Variants in DIP2B observed in about 807,000 individuals in gnomAD.
The protein encoded by DIP2B is disco-interacting protein 2 homolog B.
In DIP2B, 76 loss-of-function variants were observed where a neutral mutation model predicts 198.0. The observed-to-expected ratio is 0.38, with a 90% CI of 0.32 to 0.46. The LOEUF (loss-of-function observed/expected upper bound fraction) is 0.46, where lower values mean the gene tolerates loss of function less well. DIP2B is among the 20% of genes least tolerant of loss of function. The pLI is 0.99. For synonymous variants in DIP2B, 701 were observed against 739.1 expected (o/e 0.95, Z 0.84); for missense variants, 1,559 against 1,978.4 (o/e 0.79, Z 4.02).
chr12:50,639,648 G>C (rs1364945250), intron 2 of DIP2B, among the ~76,000 whole-genome samples: 1 of 151,644 alleles, frequency 6.6e-6, no homozygotes, highest in Non-Finnish European at 1.5e-5. Flanking sequence ...CTGGGATCTG[G>C]AGCAGTACAT....
At chr12:50,552,183 T>C (rs1958432343) in intron 1 of DIP2B, among the ~76,000 whole-genome samples, 1 of 152,204 alleles carries the variant, frequency 6.6e-6, no homozygotes, top group South Asian at 2.1e-4. Flanking sequence ...CATATGCTCA[T>C]TGGCCATCTT....
chr12:50,609,676 C>T (rs935769354), intron 1 of DIP2B, among the ~76,000 whole-genome samples: 1 of 152,208 alleles, frequency 6.6e-6, no homozygotes, highest in African/African-American at 2.4e-5. Context: ...ACCGTACCTA[C>T]CTATGAGGGG....
intron 1 of DIP2B, among the ~76,000 whole-genome samples, chr12:50,595,234 C>G (rs970166521): frequency 1.3e-5 from 2 of 152,206 alleles, no homozygotes; most frequent in African/African-American, 4.8e-5. Flanking sequence ...CGTACATTCT[C>G]TGACCCTTTG....
At chr12:50,561,701 G>A (rs763851482) in intron 1 of DIP2B, among the ~76,000 whole-genome samples, 2 of 151,158 alleles carry the variant, frequency 1.3e-5, no homozygotes, top group Non-Finnish European at 2.9e-5. Flanking sequence ...TCTGCCTTCC[G>A]GGTTCAAGTG....
chr12:50,592,815 G>A (rs1958831393), intron 1 of DIP2B, among the ~76,000 whole-genome samples: 1 of 152,156 alleles, frequency 6.6e-6, no homozygotes, highest in Admixed American at 6.5e-5. Context: ...CTAATAGTAT[G>A]ATGCTTTTTT....
At chr12:50,674,447 A>T (rs577902657) in intron 5 of DIP2B, 27 bp from the exon 6 acceptor site, 163 of 1,613,766 alleles carry the variant, frequency 1.0e-4, no homozygotes, top group South Asian at 9.1e-4. Flanking sequence ...TGCTAATATA[A>T]TTCTAAACTT....
At chr12:50,511,040 G>T (rs1283146318) in intron 1 of DIP2B, among the ~76,000 whole-genome samples, 1 of 150,836 alleles carries the variant, frequency 6.6e-6, no homozygotes, top group Non-Finnish European at 1.5e-5. Context: ...CTGCCTCCTG[G>T]GTTCAAGGGA....
chr12:50,622,169 G>A (rs1200014687), intron 1 of DIP2B, among the ~76,000 whole-genome samples: 2 of 152,144 alleles, frequency 1.3e-5, no homozygotes, highest in African/African-American at 4.8e-5. Context: ...GAATGCTTTG[G>A]TATTTCTTTT....
intron 2 of DIP2B, among the ~76,000 whole-genome samples, chr12:50,630,369 T>TTC (rs148430444): frequency 2.2e-4 from 33 of 151,194 alleles, no homozygotes; most frequent in South Asian, 4.2e-4. Flanking sequence ...CTTTCTTCTC[T>TTC]TCTCTCTCTC....
rs1939218525 is a variant in DIP2B at position 50,691,323 on chromosome 12, A to T, written c.1654+172A>T. ...CTTCTCAAAAATATGCTGTAGTTTA[A>T]AGGAACCAAAATTCTGGGCAAACCA... On this transcript the variant is annotated intron_variant, in intron 13 of 37. Transcript: ENST00000301180. 1.3e-5 allele frequency among the ~76,000 whole-genome samples: 2 copies of T among 152,076 alleles called. 1 individual carries two copies. Among genetic ancestry groups the T allele is most frequent in the South Asian group, 4.1e-4 (2 of 4,830 alleles).
rs150940631 is a variant in DIP2B at position 50,721,332 on chromosome 12, A to G, written c.3102A>G (p.Ala1034=). 3 of 1,614,182 alleles carry G rather than the reference A, an allele frequency of 1.9e-6. No individual in the cohort carries two copies. In the Admixed American group the frequency reaches 5.0e-5, roughly 27 times the overall value. Residue 1034 remains alanine, a synonymous_variant, in exon 26 of 38, where the codon GCA becomes GCG. Coordinates refer to ENST00000301180, the MANE Select transcript of DIP2B (RefSeq NM_173602.3). ...LQLHKRAERI[A]SVLGDKGHLN... is the part of the protein sequence containing the mutation. ...TTCATAAGCGAGCAGAGAGGATTGC[A>G]TCTGTTCTTGGTGATAAGGGACATC...
chr12:50,653,348 T>C, intron 3 of DIP2B, among the ~76,000 whole-genome samples: 1 of 39,444 alleles, frequency 2.5e-5, no homozygotes, highest in Admixed American at 3.3e-4. Flanking sequence ...TTTCTTTTCT[T>C]TTTTTTTTTT....
At chr12:50,542,671 A>G (rs1958337338) in intron 1 of DIP2B, among the ~76,000 whole-genome samples, 1 of 152,216 alleles carries the variant, frequency 6.6e-6, no homozygotes. Flanking sequence ...TCTGGATTTT[A>G]GTATGTCATA....
chr12:50,526,476 A>T (rs147384874), intron 1 of DIP2B, among the ~76,000 whole-genome samples: 35 of 152,132 alleles, frequency 2.3e-4, no homozygotes, highest in Middle Eastern at 6.8e-3. Context: ...GGTATTTATT[A>T]TGCAAATACT....
At chr12:50,632,250 G>T (rs2139477739) in intron 2 of DIP2B, among the ~76,000 whole-genome samples, 1 of 152,030 alleles carries the variant, frequency 6.6e-6, no homozygotes, top group South Asian at 2.1e-4. Context: ...ACTTTGGGAG[G>T]CCGAGGTGGG....
chr12:50,544,135 G>A (rs1958353766), intron 1 of DIP2B, among the ~76,000 whole-genome samples: 1 of 151,640 alleles, frequency 6.6e-6, no homozygotes, highest in African/African-American at 2.4e-5. Context: ...GGCTGAGGCA[G>A]GGGAATCGCT....
chr12:50,702,650 A>G (rs1280942347), intron 19 of DIP2B, among the ~76,000 whole-genome samples: 1 of 139,452 alleles, frequency 7.2e-6, no homozygotes, highest in Non-Finnish European at 1.5e-5. Context: ...TGGGCCGAGG[A>G]GTTCAAGGCT....
intron 10 of DIP2B, among the ~76,000 whole-genome samples, chr12:50,683,525 T>A (rs1319835403): frequency 6.6e-6 from 1 of 152,172 alleles, no homozygotes; most frequent in African/African-American, 2.4e-5. Context: ...CTCACGCCTG[T>A]AATCACAGCA....
At chr12:50,558,364 G>A (rs1958489118) in intron 1 of DIP2B, among the ~76,000 whole-genome samples, 2 of 152,236 alleles carry the variant, frequency 1.3e-5, no homozygotes, top group South Asian at 4.1e-4. Context: ...GGTTGAAGAT[G>A]TCTGGGTGAT....
Sources: gnomAD v4.1 joint callset for allele counts (sites outside exome capture counted in the v4.1 genomes callset) on GRCh38, gnomAD v4.1.1 for gene constraint, MANE v1.5 for transcripts, NCBI Gene and HGNC (gene_info 2026-07-23, HGNC 2026-07-21) for gene names.